Variants in CFAP206 observed in about 807,000 individuals in gnomAD.
CFAP206 encodes cilia- and flagella-associated protein 206.
A neutral mutation model predicts 65.4 loss-of-function variants in CFAP206; 53 were observed. That is an observed-to-expected ratio of 0.81 (90% CI 0.65 to 1.02). The LOEUF is 1.02. CFAP206 is among the 50% of genes least tolerant of loss of function. The pLI is 0.00. For synonymous variants in CFAP206, 250 were observed against 254.4 expected, an observed-to-expected ratio of 0.98 and a Z score of 0.17; for missense variants, 663 against 753.2, an observed-to-expected ratio of 0.88 and a Z score of 1.40.
rs1288841775 is a variant in CFAP206 at position 87,426,571 on chromosome 6, CAGTT to C, written c.889_892del (p.Leu297GlufsTer7). The C allele has an allele frequency of 1.1e-5, 17 of 1,600,188 alleles. No individual in the cohort carries two copies. Among genetic ancestry groups the C allele is most frequent in the Admixed American group, 1.7e-5 (1 of 59,130 alleles). Reference sequence around the variant, plus strand: ...TCAAGAAGTGGAAATGATGACAAAACAGTTAGGAGCCCATCTGGAACAACTAAAA... The same window carrying C: ...TCAAGAAGTGGAAATGATGACAAAACAGGAGCCCATCTGGAACAACTAAAA... On this transcript the variant is annotated frameshift_variant, in exon 8 of 13. Transcript: ENST00000369562. LOFTEE classifies it high-confidence loss of function.
chr6:87,447,375 A>AT (rs1163978233), intron 11 of CFAP206, among the ~76,000 whole-genome samples: 1 of 152,058 alleles, frequency 6.6e-6, no homozygotes, highest in African/African-American at 2.4e-5. Context: ...TACCTAGTTG[A>AT]TTGAGAGTTT....
At chr6:87,416,002 G>A in intron 5 of CFAP206, 128 bp downstream of exon 5, 1 of 672,068 alleles carries the variant, frequency 1.5e-6, no homozygotes, top group Non-Finnish European at 2.2e-6. Flanking sequence ...AAAAAAATCA[G>A]CACAAATGAG....
intron 6 of CFAP206, among the ~76,000 whole-genome samples, chr6:87,417,927 A>T (rs1189496255): frequency 6.6e-6 from 1 of 151,566 alleles, no homozygotes; most frequent in Non-Finnish European, 1.5e-5. Context: ...TTTAGTAGAG[A>T]CGGGGTTTCA....
At chr6:87,442,965 A>T (rs1469120037) in intron 11 of CFAP206, among the ~76,000 whole-genome samples, 1 of 152,010 alleles carries the variant, frequency 6.6e-6, no homozygotes, top group Non-Finnish European at 1.5e-5. Flanking sequence ...CGTTGTTTAG[A>T]TGTGAAAGTT....
At position 87,433,047 on chromosome 6, in the gene CFAP206, T is replaced by G. The variant is rs144724966; in HGVS notation, c.1301-1813T>G. On this transcript the variant is annotated intron_variant, in intron 10 of 12. Transcript: ENST00000369562. ...CTTTGCCTCGTTTGCTCCACTTCAG[T>G]GGCACTGGCTTTCTTGCTGTTGTTG... Among the ~76,000 whole-genome samples, 351 of 152,340 alleles carry G rather than the reference T, an allele frequency of 2.3e-3. 2 individuals are homozygous for G. The highest frequency in any genetic ancestry group is 7.5e-3 in the African/African-American group (310 of 41,578).
Position 87,417,588 on chromosome 6 carries a change from T to C in CFAP206, c.632-620T>C, listed in dbSNP as rs957752889. Reference sequence around the variant, plus strand: ...TTTTTTTAATAACTAGAAAAGAAGATATACAAAAGGAAGGGTCAGTGGCTT... The same window carrying C: ...TTTTTTTAATAACTAGAAAAGAAGACATACAAAAGGAAGGGTCAGTGGCTT... On this transcript the variant is annotated intron_variant, in intron 6 of 12. Transcript: ENST00000369562. 3.8e-4 allele frequency among the ~76,000 whole-genome samples: 57 copies of C among 149,288 alleles called. 1 individual carries two copies. Among genetic ancestry groups the C allele is most frequent in the Non-Finnish European group, 7.0e-4 (47 of 67,498 alleles).
At chr6:87,442,018 T>C in intron 11 of CFAP206, 1 of 238,228 alleles carries the variant, frequency 4.2e-6, no homozygotes, top group South Asian at 6.5e-5. Flanking sequence ...TTGCAGATCC[T>C]TCCAAAATAT....
At chr6:87,422,630 A>G (rs1767960999) in intron 7 of CFAP206, among the ~76,000 whole-genome samples, 1 of 151,856 alleles carries the variant, frequency 6.6e-6, no homozygotes, top group Non-Finnish European at 1.5e-5. Context: ...AGGCACCTGT[A>G]ATCCCAGCTA....
rs181038837 is a variant in CFAP206 at position 87,427,282 on chromosome 6, C to T, written c.960+637C>T. ...CCTCCCGAGTAGCTGGGACTACAGG[C>T]GCCCGCCACCATGCCCAGCTAATTT... On this transcript the variant is annotated intron_variant, in intron 8 of 12. Coordinates refer to ENST00000369562, the MANE Select transcript of CFAP206 (RefSeq NM_001031743.3). Among the ~76,000 whole-genome samples, 21 of 152,226 alleles carry T rather than the reference C, an allele frequency of 1.4e-4. No individual in the cohort carries two copies. In the East Asian group the frequency reaches 3.9e-3, roughly 28 times the overall value.
chr6:87,429,584 T>G lies in CFAP206; in HGVS notation c.1159+760T>G, dbSNP rs74544943. Among the ~76,000 whole-genome samples the G allele has an allele frequency of 6.3e-3, 965 of 152,308 alleles. 3 individuals are homozygous for G. Among genetic ancestry groups the G allele is most frequent in the African/African-American group, 0.022 (926 of 41,572 alleles). ...TATTTAGGTCCTTTAGAAGATGCAT[T>G]GATTCTTACAGAAAAACAATCTTTA... On this transcript the variant is annotated intron_variant, in intron 9 of 12. Coordinates refer to ENST00000369562, the MANE Select transcript of CFAP206 (RefSeq NM_001031743.3).
intron 11 of CFAP206, among the ~76,000 whole-genome samples, chr6:87,438,175 T>A (rs1768305751): frequency 6.6e-6 from 1 of 151,900 alleles, no homozygotes; most frequent in Admixed American, 6.6e-5. Context: ...TTAAGATAAT[T>A]ATCCTGACCA....
In CFAP206 at chr6:87,409,851, T is replaced by G; in HGVS notation, c.12T>G (p.Thr4=). MPP[T]QAESVIRSII... is the part of the protein sequence containing the mutation. ...TTTATTTAGCCAGAATGCCTCCAAC[T>G]CAGGCCGAAAGTGTTATAAGGAGTA... Residue 4 remains threonine, a synonymous_variant, in exon 2 of 13, where the codon ACT becomes ACG. Coordinates refer to ENST00000369562, the MANE Select transcript of CFAP206 (RefSeq NM_001031743.3). 6.2e-7 allele frequency: 1 copy of G among 1,610,730 alleles called. No individual in the cohort carries two copies. The highest frequency in any genetic ancestry group is 8.5e-7 in the Non-Finnish European group (1 of 1,178,832).
At chr6:87,450,770 C>G (rs983202874) in intron 11 of CFAP206, among the ~76,000 whole-genome samples, 1 of 151,724 alleles carries the variant, frequency 6.6e-6, no homozygotes, top group African/African-American at 2.4e-5. Context: ...AACATCATAC[C>G]AAGGAAAGAG....
At chr6:87,408,737 T>C (rs1477096679) in intron 1 of CFAP206, 1 of 152,264 alleles carries the variant, frequency 6.6e-6, no homozygotes, top group Non-Finnish European at 1.5e-5. Flanking sequence ...AGGACTAATT[T>C]AGTCCTCACA....
intron 7 of CFAP206, among the ~76,000 whole-genome samples, chr6:87,425,317 CA>C (rs1768021824): frequency 6.6e-6 from 1 of 152,198 alleles, no homozygotes; most frequent in African/African-American, 2.4e-5. Context: ...AGAAGGATCA[CA>C]AACCAGTTCA....
intron 7 of CFAP206, among the ~76,000 whole-genome samples, chr6:87,425,529 T>A (rs1488447537): frequency 6.6e-6 from 1 of 152,196 alleles, no homozygotes; most frequent in Non-Finnish European, 1.5e-5. Flanking sequence ...AGGAAATAAA[T>A]GGTTTACAAG....
At chr6:87,445,938 C>T (rs1214564186) in intron 11 of CFAP206, among the ~76,000 whole-genome samples, 1 of 152,112 alleles carries the variant, frequency 6.6e-6, no homozygotes, top group African/African-American at 2.4e-5. Context: ...TTTTGACTTG[C>T]GTTTCTCTAA....
intron 4 of CFAP206, among the ~76,000 whole-genome samples, chr6:87,414,682 C>T (rs909189219): frequency 6.6e-6 from 1 of 152,170 alleles, no homozygotes; most frequent in Non-Finnish European, 1.5e-5. Context: ...TATGGACTGC[C>T]TCTGCACCTG....
chr6:87,416,763 GA>G lies in CFAP206; in HGVS notation c.568del (p.Ile190LeufsTer28). On this transcript the variant is annotated frameshift_variant, in exon 6 of 13. Coordinates refer to ENST00000369562, the MANE Select transcript of CFAP206 (RefSeq NM_001031743.3). LOFTEE classifies it high-confidence loss of function. ...AACGCCAGCTGAAAGAACTCACCAT[GA>G]TTGTTACTGGAATTCGTTTATTTAA... ...KERQLKELTM[I>X]VTGIRLFNRD... 1 of 1,613,678 alleles carries G rather than the reference GA, an allele frequency of 6.2e-7. No homozygotes were observed. Among genetic ancestry groups the G allele is most frequent in the Non-Finnish European group, 8.5e-7 (1 of 1,179,842 alleles).
Sources: gnomAD v4.1 joint callset for allele counts (sites outside exome capture counted in the v4.1 genomes callset) on GRCh38, gnomAD v4.1.1 for gene constraint, MANE v1.5 for transcripts, NCBI Gene and HGNC (gene_info 2026-07-23, HGNC 2026-07-21) for gene names.